NBEAL1: variants seen among roughly 807,000 people sequenced by gnomAD.
The protein encoded by NBEAL1 is neurobeachin like 1, also known as neurobeachin-like protein 1.
NBEAL1 carries 273 observed loss-of-function variants against 351.3 expected under a neutral mutation model. The observed-to-expected ratio is 0.78, with a 90% confidence interval of 0.70 to 0.86. NBEAL1 has a LOEUF of 0.86. NBEAL1 is among the 40% of genes least tolerant of loss of function. The probability of loss-of-function intolerance (pLI) is 0.00; values close to 1 mark genes in which losing one functional copy is unlikely to be tolerated. For synonymous variants in NBEAL1, 1,050 were observed against 1,086.4 expected (o/e 0.97, Z 0.66); for missense variants, 2,961 against 3,201.3 (o/e 0.92, Z 1.81).
chr2:203,101,977 G>C (rs2062336256), intron 12 of NBEAL1, among the ~76,000 whole-genome samples: 2 of 152,114 alleles, frequency 1.3e-5, no homozygotes, highest in African/African-American at 4.8e-5. Context: ...TGTCATCTCG[G>C]ATTTCTTTCA....
chr2:203,202,555 A>C, intron 50 of NBEAL1, 132 bp from the exon 51 acceptor site: 1 of 630,454 alleles, frequency 1.6e-6, no homozygotes, highest in East Asian at 2.9e-5. Flanking sequence ...ATGCTTTTCC[A>C]GTACCATGTC....
intron 34 of NBEAL1, among the ~76,000 whole-genome samples, chr2:203,150,319 T>A (rs924983258): frequency 2.0e-5 from 3 of 152,188 alleles, no homozygotes; most frequent in Non-Finnish European, 4.4e-5. Context: ...ATGTTTAGCA[T>A]CTTTTCACAT....
intron 43 of NBEAL1, 81 bp downstream of exon 43, chr2:203,180,593 A>G (rs2064682196): frequency 7.9e-7 from 1 of 1,260,160 alleles, no homozygotes; most frequent in Non-Finnish European, 1.1e-6. Flanking sequence ...CATTTTTGTA[A>G]TATCCTGTAG....
At chr2:203,142,137 G>C (rs1274189473) in intron 31 of NBEAL1, among the ~76,000 whole-genome samples, 2 of 152,018 alleles carry the variant, frequency 1.3e-5, no homozygotes, top group Non-Finnish European at 2.9e-5. Context: ...ATTCAGAATG[G>C]GGTGAGACTA....
Position 203,201,640 on chromosome 2 carries a change from G to A in NBEAL1, c.7336G>A (p.Gly2446Arg). The change falls in exon 50 of 56, where the codon GGA (glycine) becomes AGA (arginine). Residue 2446 changes from glycine to arginine, a missense_variant. Coordinates refer to ENST00000683969, the MANE Select transcript of NBEAL1 (RefSeq NM_001378026.1). Reference protein sequence around the residue: ...SHDAKLLFSAGYWDNSIQVMS... With the variant: ...SHDAKLLFSARYWDNSIQVMS... ...TGATGCAAAGTTGCTCTTCAGTGCT[G>A]GATACTGGGATAATAGCATTCAAGT... The A allele has an allele frequency of 6.2e-7, 1 of 1,612,124 alleles. No individual in the cohort carries two copies. The highest frequency in any genetic ancestry group is 8.5e-7 in the Non-Finnish European group (1 of 1,178,938).
chr2:203,099,603 T>G, intron 11 of NBEAL1, 26 bp from the exon 12 acceptor site: 1 of 1,451,954 alleles, frequency 6.9e-7, no homozygotes, highest in Non-Finnish European at 9.3e-7. Context: ...TTTGTTAATT[T>G]CTTGTTTCCC....
intron 8 of NBEAL1, among the ~76,000 whole-genome samples, chr2:203,082,995 G>A (rs2061899264): frequency 6.6e-6 from 1 of 152,132 alleles, no homozygotes; most frequent in Non-Finnish European, 1.5e-5. Flanking sequence ...TATGTCACAT[G>A]GCTACCCTTA....
intron 17 of NBEAL1, among the ~76,000 whole-genome samples, chr2:203,114,734 T>C (rs1270843231): frequency 6.6e-6 from 1 of 152,050 alleles, no homozygotes; most frequent in African/African-American, 2.4e-5. Context: ...ACCTTATCTT[T>C]TCTTTTCTTT....
At chr2:203,203,017 A>C (rs530026093) in intron 51 of NBEAL1, among the ~76,000 whole-genome samples, 1 of 152,308 alleles carries the variant, frequency 6.6e-6, no homozygotes, top group Admixed American at 6.5e-5. Context: ...CTTTCCTAGG[A>C]AAACGGGAAT....
intron 3 of NBEAL1, among the ~76,000 whole-genome samples, chr2:203,048,800 A>G (rs900071606): frequency 6.6e-6 from 1 of 152,096 alleles, no homozygotes; most frequent in African/African-American, 2.4e-5. Context: ...ATAGTCTTAC[A>G]TAGAAACCAT....
intron 10 of NBEAL1, among the ~76,000 whole-genome samples, chr2:203,096,110 C>A (rs926562281): frequency 6.6e-6 from 1 of 152,162 alleles, no homozygotes; most frequent in South Asian, 2.1e-4. Context: ...TGCTAATAAG[C>A]TAGCGTGGAT....
intron 46 of NBEAL1, among the ~76,000 whole-genome samples, chr2:203,192,963 C>CTTTTTTTTTTT: frequency 1.0e-5 from 1 of 99,332 alleles, no homozygotes; most frequent in Non-Finnish European, 2.0e-5. Flanking sequence ...TTCTTTCTTT[C>CTTTTTTTTTTT]TTTTTTTTTT....
intron 2 of NBEAL1, among the ~76,000 whole-genome samples, chr2:203,031,606 A>G (rs1200823112): frequency 6.6e-6 from 1 of 152,228 alleles, no homozygotes; most frequent in Non-Finnish European, 1.5e-5. Flanking sequence ...TTTTAATTTC[A>G]AAGATGTCAA....
Position 203,023,368 on chromosome 2 carries a change from AGTAG to A in NBEAL1, c.51+6934_51+6937del, listed in dbSNP as rs1274665756. ...ACAAAATCATTGACAGCCTAGTACT[AGTAG>A]TTACCACTTACATGTTTATTTTCAG... On this transcript the variant is annotated intron_variant, in intron 2 of 55. Coordinates refer to ENST00000683969, the MANE Select transcript of NBEAL1 (RefSeq NM_001378026.1). 2.6e-5 allele frequency among the ~76,000 whole-genome samples: 4 copies of A among 152,366 alleles called. No homozygotes were observed. In the East Asian group the frequency reaches 7.7e-4, roughly 29 times the overall value.
intron 17 of NBEAL1, among the ~76,000 whole-genome samples, 166 bp from the exon 18 acceptor site, chr2:203,115,819 T>C (rs1408761060): frequency 6.6e-6 from 1 of 152,262 alleles, no homozygotes; most frequent in Non-Finnish European, 1.5e-5. Context: ...TTGTAGGTTT[T>C]AGATAAACTG....
intron 14 of NBEAL1, among the ~76,000 whole-genome samples, chr2:203,108,460 G>A (rs549505311): frequency 2.6e-5 from 4 of 151,378 alleles, no homozygotes; most frequent in African/African-American, 7.3e-5. Flanking sequence ...GTGCAGTGGC[G>A]TGATCTCGGC....
intron 4 of NBEAL1, among the ~76,000 whole-genome samples, 164 bp from the exon 5 acceptor site, chr2:203,056,263 G>T (rs1176510759): frequency 1.3e-5 from 2 of 152,196 alleles, no homozygotes; most frequent in African/African-American, 4.8e-5. Context: ...ATAGTTCACA[G>T]TTGGTGGGAA....
intron 36 of NBEAL1, among the ~76,000 whole-genome samples, chr2:203,162,814 A>G (rs1455411471): frequency 1.3e-5 from 2 of 152,226 alleles, no homozygotes; most frequent in African/African-American, 4.8e-5. Context: ...ACAACATTGT[A>G]TTCAAATAAA....
At chr2:203,132,948 A>T in intron 26 of NBEAL1, 110 bp from the exon 27 acceptor site, 1 of 611,062 alleles carries the variant, frequency 1.6e-6, no homozygotes. Flanking sequence ...CCTATAATTC[A>T]TATTTTAAAA....
Sources: gnomAD v4.1 joint callset for allele counts (sites outside exome capture counted in the v4.1 genomes callset) on GRCh38, gnomAD v4.1.1 for gene constraint, MANE v1.5 for transcripts, NCBI Gene and HGNC (gene_info 2026-07-23, HGNC 2026-07-21) for gene names.